CCDC171: variants seen among roughly 807,000 people sequenced by gnomAD.
CCDC171 encodes the protein coiled-coil domain containing 171.
CCDC171 carries 177 observed loss-of-function variants against 168.2 expected under a neutral mutation model. The observed-to-expected ratio is 1.05, with a 90% CI of 0.93 to 1.19. The LOEUF (loss-of-function observed/expected upper bound fraction) is 1.19. CCDC171 is among the 50% of genes most tolerant of loss of function. CCDC171 has a pLI of 0.00. For missense variants in CCDC171, 1,991 were observed against 1,539.0 expected (o/e 1.29, Z -4.91); for synonymous variants, 687 against 540.8 (o/e 1.27, Z -3.75).
intron 4 of CCDC171, among the ~76,000 whole-genome samples, chr9:15,579,958 C>T (rs1340306918): frequency 1.3e-5 from 2 of 152,116 alleles, no homozygotes; most frequent in Non-Finnish European, 2.9e-5. Context: ...TAAGAGAACA[C>T]TGAATGTGAA....
chr9:15,660,840 C>A (rs939515865), intron 8 of CCDC171, among the ~76,000 whole-genome samples: 5 of 151,892 alleles, frequency 3.3e-5, no homozygotes, highest in African/African-American at 1.2e-4. Flanking sequence ...GGATATATAC[C>A]CAGTAATGGG....
chr9:16,049,887 G>A (rs1487093204), intron 1 of CCDC171, among the ~76,000 whole-genome samples: 1 of 151,810 alleles, frequency 6.6e-6, no homozygotes, highest in Non-Finnish European at 1.5e-5. Flanking sequence ...TCTTACTGTT[G>A]TTTTTTTTGT....
At chr9:15,943,523 A>G (rs1269899524) in intron 25 of CCDC171, among the ~76,000 whole-genome samples, 3 of 152,002 alleles carry the variant, frequency 2.0e-5, no homozygotes, top group African/African-American at 7.2e-5. Context: ...GTCTAAGTAT[A>G]TTTTTGATTT....
intron 1 of CCDC171, among the ~76,000 whole-genome samples, chr9:15,562,330 C>G (rs926109572): frequency 6.6e-6 from 1 of 152,062 alleles, no homozygotes; most frequent in South Asian, 2.1e-4. Context: ...AGGAGATTGT[C>G]ATTCAGTCTG....
intron 25 of CCDC171, among the ~76,000 whole-genome samples, chr9:15,931,915 G>A (rs141176835): frequency 1.3e-5 from 2 of 151,562 alleles, no homozygotes; most frequent in Non-Finnish European, 3.0e-5. Context: ...CACCTTAGGT[G>A]TATGACTTTA....
intron 7 of CCDC171, among the ~76,000 whole-genome samples, chr9:15,638,109 A>G (rs1241376317): frequency 6.6e-6 from 1 of 152,126 alleles, no homozygotes; most frequent in Non-Finnish European, 1.5e-5. Context: ...ACTTTTGATA[A>G]TACCAGGTCT....
chr9:15,628,238 G>T (rs1049893710), intron 7 of CCDC171, among the ~76,000 whole-genome samples: 13 of 151,278 alleles, frequency 8.6e-5, no homozygotes, highest in Non-Finnish European at 1.5e-4. Flanking sequence ...TGCCTTACTC[G>T]GGAAGCGCAA....
At chr9:15,879,956 A>G (rs370820906) in intron 24 of CCDC171, among the ~76,000 whole-genome samples, 85 of 152,240 alleles carry the variant, frequency 5.6e-4, no homozygotes, top group African/African-American at 1.9e-3. Context: ...TTAGCCCTTT[A>G]ATTTTCTTTT....
chr9:16,072,926 G>A, the CCDC171 span, among the ~76,000 whole-genome samples: 1 of 152,132 alleles, frequency 6.6e-6, no homozygotes, highest in Admixed American at 6.5e-5. Flanking sequence ...TGTTATTCCT[G>A]CTATTTCTTG....
the CCDC171 span, among the ~76,000 whole-genome samples, chr9:16,096,932 T>C: frequency 5.9e-5 from 9 of 152,198 alleles, no homozygotes; most frequent in East Asian, 1.5e-3. Flanking sequence ...TTAGCACTGA[T>C]GAAAGCCAAG....
At chr9:15,989,483 A>G (rs958266557) in intron 3 of CCDC171, among the ~76,000 whole-genome samples, 4 of 152,218 alleles carry the variant, frequency 2.6e-5, no homozygotes, top group Non-Finnish European at 5.9e-5. Context: ...GGGAAAAAAC[A>G]GAGCAGAAAA....
rs149423553 is a variant in CCDC171 at position 16,050,333 on chromosome 9, G to A, written n.89+7447G>A. ...AAGCATAAATTGCTTAATTGCAATC[G>A]CCAAGCAATAATCCAGTTTGTGAAT... On this transcript the variant is annotated intron_variant and non_coding_transcript_variant, in intron 1 of 1. Coordinates refer to the CCDC171 transcript ENST00000478913. 1.6e-3 allele frequency among the ~76,000 whole-genome samples: 245 copies of A among 152,290 alleles called. 1 individual carries two copies. Among genetic ancestry groups the A allele is most frequent in the Middle Eastern group, 6.8e-3 (2 of 294 alleles).
At chr9:15,682,424 ATAAATATAAACC>A (rs2050102350) in intron 10 of CCDC171, among the ~76,000 whole-genome samples, 1 of 152,006 alleles carries the variant, frequency 6.6e-6, no homozygotes, top group African/African-American at 2.4e-5. Flanking sequence ...GGGGTATTTA[ATAAATATAAACC>A]AGCTAAATTT....
intron 11 of CCDC171, among the ~76,000 whole-genome samples, chr9:15,701,346 G>GT (rs1198849133): frequency 6.6e-6 from 1 of 152,128 alleles, no homozygotes; most frequent in African/African-American, 2.4e-5. Flanking sequence ...TTTCTCATAT[G>GT]TTTTTTCTAG....
intron 3 of CCDC171, among the ~76,000 whole-genome samples, chr9:15,979,372 T>C (rs1310240908): frequency 6.6e-6 from 1 of 152,204 alleles, no homozygotes; most frequent in Admixed American, 6.5e-5. Context: ...TTCCTGATCT[T>C]AGGGAAAAGC....
At chr9:15,951,885 GT>G (rs1271207819) in intron 25 of CCDC171, among the ~76,000 whole-genome samples, 1 of 151,958 alleles carries the variant, frequency 6.6e-6, no homozygotes, top group Non-Finnish European at 1.5e-5. Flanking sequence ...CAATTTGTCT[GT>G]TTTTTTCTTT....
intron 24 of CCDC171, among the ~76,000 whole-genome samples, chr9:15,917,161 T>G (rs1824644720): frequency 1.3e-5 from 2 of 151,956 alleles, no homozygotes; most frequent in African/African-American, 4.8e-5. Context: ...CTGTATAGTT[T>G]GAATCACTTA....
intron 25 of CCDC171, among the ~76,000 whole-genome samples, chr9:15,930,792 C>G (rs935768124): frequency 6.6e-6 from 1 of 151,666 alleles, no homozygotes; most frequent in Admixed American, 6.6e-5. Flanking sequence ...TTTATAAGAG[C>G]TAAAACTATA....
the CCDC171 span, among the ~76,000 whole-genome samples, chr9:16,088,850 G>T: frequency 8.5e-5 from 13 of 152,168 alleles, no homozygotes; most frequent in African/African-American, 3.1e-4. Context: ...CACAGAATTA[G>T]AATAAACTAT....
Sources: allele counts gnomAD v4.1 joint callset (sites outside exome capture counted in the v4.1 genomes callset), GRCh38; gene constraint gnomAD v4.1.1; transcripts MANE v1.5; gene names NCBI Gene and HGNC (gene_info 2026-07-23, HGNC 2026-07-21).